The following PTCHD4 variants were observed in gnomAD, a reference collection of about 807,000 sequenced individuals.
PTCHD4 encodes the protein patched domain-containing protein 4.
PTCHD4 carries 33 observed loss-of-function variants against 58.1 expected under a neutral mutation model. The ratio of observed to expected loss-of-function variants is 0.57; its 90% confidence interval spans 0.43 to 0.76. The LOEUF is 0.76. Ranked by LOEUF, PTCHD4 falls within the 30% of genes least tolerant of loss-of-function variation. The pLI is 0.00. For synonymous variants in PTCHD4, 478 were observed against 409.6 expected, an observed-to-expected ratio of 1.17 and a Z score of -2.02; for missense variants, 1,058 against 1,027.1, an observed-to-expected ratio of 1.03 and a Z score of -0.41.
At chr6:48,096,310 T>A (rs1049218675) in intron 1 of PTCHD4, among the ~76,000 whole-genome samples, 4 of 152,010 alleles carry the variant, frequency 2.6e-5, no homozygotes, top group African/African-American at 9.7e-5. Context: ...AATGGGGATG[T>A]CTTGAAATTC....
chr6:47,974,541 G>A (rs1173373009), intron 4 of PTCHD4, among the ~76,000 whole-genome samples: 1 of 152,096 alleles, frequency 6.6e-6, no homozygotes, highest in Non-Finnish European at 1.5e-5. Context: ...CCTGTGCATT[G>A]TAGTATGTTT....
intron 3 of PTCHD4, among the ~76,000 whole-genome samples, chr6:48,040,290 C>T (rs1254144452): frequency 6.6e-6 from 1 of 151,976 alleles, no homozygotes; most frequent in African/African-American, 2.4e-5. Flanking sequence ...TTTATAGTGA[C>T]TATTTTCTCC....
intron 1 of PTCHD4, among the ~76,000 whole-genome samples, chr6:48,083,621 G>A (rs1167274985): frequency 6.6e-6 from 1 of 152,184 alleles, no homozygotes; most frequent in South Asian, 2.1e-4. Flanking sequence ...AGAACTTTCT[G>A]AAGCTGGAGT....
At chr6:47,983,203 AG>A (rs1384100892) in intron 4 of PTCHD4, among the ~76,000 whole-genome samples, 1 of 152,194 alleles carries the variant, frequency 6.6e-6, no homozygotes, top group Non-Finnish European at 1.5e-5. Context: ...GAGGAAAGAA[AG>A]AAAATTGTTT....
chr6:47,929,077 A>T (rs368117197), intron 4 of PTCHD4, among the ~76,000 whole-genome samples: 1 of 152,210 alleles, frequency 6.6e-6, no homozygotes, highest in Admixed American at 6.5e-5. Flanking sequence ...TAAAAATCAT[A>T]CATTGGTATC....
At chr6:48,036,926 G>C (rs1035708815) in intron 3 of PTCHD4, among the ~76,000 whole-genome samples, 3 of 152,110 alleles carry the variant, frequency 2.0e-5, no homozygotes, top group African/African-American at 7.2e-5. Context: ...ACATTTGTGA[G>C]TGGAAGACAT....
intron 3 of PTCHD4, among the ~76,000 whole-genome samples, chr6:48,065,727 T>C (rs187346167): frequency 2.6e-4 from 40 of 152,264 alleles, no homozygotes; most frequent in African/African-American, 9.6e-4. Flanking sequence ...CCCATTGCTT[T>C]CAGAAAATCT....
At chr6:47,907,961 G>A (rs189468540) in intron 4 of PTCHD4, among the ~76,000 whole-genome samples, 2 of 152,146 alleles carry the variant, frequency 1.3e-5, no homozygotes, top group African/African-American at 4.8e-5. Context: ...CTGGAGAAAG[G>A]TTTTCTTTAA....
chr6:47,911,923 G>A (rs1414609612), intron 4 of PTCHD4, among the ~76,000 whole-genome samples: 4 of 152,044 alleles, frequency 2.6e-5, no homozygotes, highest in African/African-American at 4.8e-5. Flanking sequence ...TTTAGAAGGT[G>A]GATAGTGGAG....
At chr6:48,092,389 T>C (rs1280788509) in intron 1 of PTCHD4, among the ~76,000 whole-genome samples, 1 of 152,210 alleles carries the variant, frequency 6.6e-6, no homozygotes, top group Non-Finnish European at 1.5e-5. Flanking sequence ...AAGCATTTTG[T>C]CAATATGCAG....
At chr6:48,077,294 G>A (rs1035579021) in intron 1 of PTCHD4, among the ~76,000 whole-genome samples, 6 of 152,186 alleles carry the variant, frequency 3.9e-5, no homozygotes, top group South Asian at 2.1e-4. Context: ...AAGAGAGTCC[G>A]CCTGTCCTTT....
intron 3 of PTCHD4, among the ~76,000 whole-genome samples, chr6:48,042,353 C>T (rs1268673552): frequency 6.6e-6 from 1 of 151,966 alleles, no homozygotes; most frequent in African/African-American, 2.4e-5. Context: ...TCTTTTTCAG[C>T]TTTGTGTCCT....
At chr6:47,926,277 T>C (rs1561960871) in intron 4 of PTCHD4, among the ~76,000 whole-genome samples, 2 of 152,224 alleles carry the variant, frequency 1.3e-5, no homozygotes, top group Non-Finnish European at 2.9e-5. Context: ...CTTAATGGTG[T>C]ACAATATATT....
chr6:48,092,593 T>A (rs1765388498), intron 1 of PTCHD4, among the ~76,000 whole-genome samples: 1 of 152,212 alleles, frequency 6.6e-6, no homozygotes, highest in African/African-American at 2.4e-5. Context: ...ATTAATAATT[T>A]ATAAATGGTC....
At chr6:47,925,162 A>C (rs917134528) in intron 4 of PTCHD4, among the ~76,000 whole-genome samples, 4 of 148,908 alleles carry the variant, frequency 2.7e-5, no homozygotes, top group African/African-American at 1.0e-4. Flanking sequence ...ATATGTGTTT[A>C]TATGTGTATA....
chr6:47,995,992 A>G (rs1241916238), intron 4 of PTCHD4, among the ~76,000 whole-genome samples: 1 of 152,220 alleles, frequency 6.6e-6, no homozygotes, highest in Non-Finnish European at 1.5e-5. Context: ...TTAACTTTCA[A>G]CTTTTATTTT....
intron 4 of PTCHD4, among the ~76,000 whole-genome samples, chr6:47,904,785 C>G (rs1454399907): frequency 2.0e-5 from 3 of 152,046 alleles, no homozygotes; most frequent in African/African-American, 7.2e-5. Context: ...GTTTAATGTG[C>G]TAGAGAGATA....
chr6:47,995,933 G>A (rs895596680), intron 4 of PTCHD4, among the ~76,000 whole-genome samples: 4 of 152,128 alleles, frequency 2.6e-5, no homozygotes, highest in Non-Finnish European at 4.4e-5. Context: ...AGGCACTGTC[G>A]AATGGTAGAG....
chr6:47,882,296 G>T (rs1764040560), intron 4 of PTCHD4, among the ~76,000 whole-genome samples: 1 of 151,994 alleles, frequency 6.6e-6, no homozygotes, highest in Admixed American at 6.6e-5. Flanking sequence ...CACTATGTAG[G>T]CCAGATTTTT....
Sources: allele counts gnomAD v4.1 joint callset (sites outside exome capture counted in the v4.1 genomes callset), GRCh38; gene constraint gnomAD v4.1.1; transcripts MANE v1.5; gene names NCBI Gene and HGNC (gene_info 2026-07-23, HGNC 2026-07-21).